Variants in GK5 observed in about 807,000 individuals in gnomAD.
The protein encoded by GK5 is ATP:glycerol 3-phosphotransferase 5.
In GK5, 39 loss-of-function variants were observed where a neutral mutation model predicts 77.3. The observed-to-expected ratio is 0.50, with a 90% CI of 0.39 to 0.66. The LOEUF (loss-of-function observed/expected upper bound fraction) is 0.66. GK5 is among the 30% of genes least tolerant of loss of function. The pLI is 0.00. For missense variants in GK5, 487 were observed against 633.8 expected, an observed-to-expected ratio of 0.77 and a Z score of 2.49; for synonymous variants, 211 against 208.0, an observed-to-expected ratio of 1.01 and a Z score of -0.13.
intron 3 of GK5, among the ~76,000 whole-genome samples, chr3:142,209,347 A>T (rs1211685659): frequency 6.6e-6 from 1 of 152,180 alleles, no homozygotes; most frequent in Non-Finnish European, 1.5e-5. Context: ...GTCTTAGAGG[A>T]ACTGAATGGC....
rs1337154916 is a variant in GK5, at chr3:142,164,555, G to A, written c.*1067C>T. 1.3e-5 allele frequency: 2 copies of A among 152,186 alleles called. No individual in the cohort carries two copies. Among genetic ancestry groups the A allele is most frequent in the Admixed American group, 1.3e-4 (2 of 15,254 alleles). 9.4% of individuals were successfully genotyped at this position (152,186 alleles called of 1,614,324 possible). On this transcript the variant is annotated 3_prime_UTR_variant, in exon 16 of 16. Coordinates refer to ENST00000392993, the MANE Select transcript of GK5 (RefSeq NM_001039547.3). ...GTGGATCTCTGGCTGAGTGGCTAAAGGGCAATCCTGAGCATAGACACACTC... is the reference window on the plus strand; with the variant it reads ...GTGGATCTCTGGCTGAGTGGCTAAAAGGCAATCCTGAGCATAGACACACTC...
intron 5 of GK5, among the ~76,000 whole-genome samples, chr3:142,192,635 G>A (rs946132182): frequency 1.3e-5 from 2 of 151,980 alleles, no homozygotes; most frequent in Non-Finnish European, 2.9e-5. Flanking sequence ...ATGGTGGCAG[G>A]CACCTGTAAT....
chr3:142,206,546 A>G (rs1170358090), intron 3 of GK5, among the ~76,000 whole-genome samples: 1 of 152,156 alleles, frequency 6.6e-6, no homozygotes, highest in Non-Finnish European at 1.5e-5. Context: ...GTGCTTATTG[A>G]CCATCTGTGT....
intron 11 of GK5, among the ~76,000 whole-genome samples, chr3:142,180,307 CTT>C (rs887517347): frequency 7.0e-6 from 1 of 143,868 alleles, no homozygotes. Context: ...TTTCTTTTTT[CTT>C]TTTTTTTTTT....
chr3:142,201,558 G>A (rs370199235), intron 4 of GK5, among the ~76,000 whole-genome samples: 1 of 152,112 alleles, frequency 6.6e-6, no homozygotes, highest in African/African-American at 2.4e-5. Flanking sequence ...TTGTAGTGAC[G>A]GAACTGTTCA....
Position 142,181,573 on chromosome 3 carries a change from A to C in GK5, c.944-8T>G. The C allele has an allele frequency of 6.3e-7, 1 of 1,576,656 alleles. No individual in the cohort carries two copies. Among genetic ancestry groups the C allele is most frequent in the Non-Finnish European group, 8.7e-7 (1 of 1,148,520 alleles). ...CAATTAATGGATAAAAGCCTTGCAA[A>C]ACAAACAACGAATGTTAAGTCAAAT... On this transcript the variant is annotated splice_polypyrimidine_tract_variant and splice_region_variant and intron_variant, in intron 10 of 15. Transcript: ENST00000392993.
In GK5 at chr3:142,214,368, AC is replaced by A. The variant is rs1382642138; in HGVS notation, c.242-768del. ...AACACAAACTGATGCCAGGATGCAA[AC>A]AAAAATATTGACTTTTTGGTCCAAA... is the stretch of plus-strand genomic sequence containing the variant. On this transcript the variant is annotated intron_variant, in intron 2 of 15. Transcript: ENST00000392993. 5.9e-5 allele frequency among the ~76,000 whole-genome samples: 9 copies of A among 152,234 alleles called. No homozygotes were observed. In the East Asian group the frequency reaches 1.7e-3, roughly 29 times the overall value.
chr3:142,185,762 CA>C (rs749305850), intron 9 of GK5, 166 bp downstream of exon 9: 32 of 1,556,816 alleles, frequency 2.1e-5, no homozygotes, highest in Non-Finnish European at 2.3e-5. Context: ...AAAAATATAG[CA>C]GATATTCTGG....
chr3:142,187,468 G>A (rs1214236259), intron 6 of GK5, among the ~76,000 whole-genome samples: 4 of 152,026 alleles, frequency 2.6e-5, no homozygotes, highest in Non-Finnish European at 4.4e-5. Flanking sequence ...AGCCAGACAT[G>A]GTGGCACATA....
intron 15 of GK5, among the ~76,000 whole-genome samples, chr3:142,168,011 CAAACAAA>C (rs1224766775): frequency 6.6e-6 from 1 of 151,544 alleles, no homozygotes; most frequent in African/African-American, 2.4e-5. Context: ...GACTCCATCT[CAAACAAA>C]ACAAAACAAA....
Position 142,225,322 on chromosome 3 carries a change from G to C in GK5, c.134C>G (p.Ser45Cys). The C allele has an allele frequency of 2.6e-6, 4 of 1,545,812 alleles. No individual in the cohort carries two copies. Among genetic ancestry groups the C allele is most frequent in the Non-Finnish European group, 3.5e-6 (4 of 1,146,476 alleles). The part of the protein sequence containing the change: ...VYDRAARVCG[S>C]SVQKVENLYP... ...CCCCCAAGTCACCTTCTGCACGCTG[G>C]AGCCGCAGACCCGCGCCGCCCGGTC... is the stretch of plus-strand genomic sequence containing the variant. Residue 45 changes from serine (S) to cysteine (C), a missense_variant, in exon 1 of 16, where the codon TCC becomes TGC. By Grantham distance (112) the Ser-to-Cys change is moderately radical. This residue lies in a region of GK5 where 97 missense variants were observed against 86.9 expected (regional missense o/e 1.12). Coordinates refer to ENST00000392993, the MANE Select transcript of GK5 (RefSeq NM_001039547.3).
chr3:142,178,231 T>A (rs1375663429), intron 11 of GK5, among the ~76,000 whole-genome samples: 3 of 152,168 alleles, frequency 2.0e-5, no homozygotes, highest in Non-Finnish European at 2.9e-5. Flanking sequence ...TAAAAAATTA[T>A]CCTCTGAAAG....
At chr3:142,177,848 GT>G (rs1262581032) in intron 11 of GK5, among the ~76,000 whole-genome samples, 5 of 145,858 alleles carry the variant, frequency 3.4e-5, no homozygotes, top group South Asian at 2.2e-4. Context: ...CAGGACTTAC[GT>G]TTTTTTTCTT....
At chr3:142,193,961 G>A (rs947104122) in intron 5 of GK5, among the ~76,000 whole-genome samples, 6 of 152,144 alleles carry the variant, frequency 3.9e-5, no homozygotes, top group South Asian at 2.1e-4. Flanking sequence ...GGCTGGTCTC[G>A]AAATCCTGAT....
At chr3:142,184,930 C>A in intron 9 of GK5, 2 of 985,426 alleles carry the variant, frequency 2.0e-6, no homozygotes, top group Non-Finnish European at 2.4e-6. Flanking sequence ...TCTAACCCTG[C>A]ACCTATGCCT....
At chr3:142,177,022 T>C (rs1375275331) in intron 12 of GK5, among the ~76,000 whole-genome samples, 1 of 152,212 alleles carries the variant, frequency 6.6e-6, no homozygotes, top group African/African-American at 2.4e-5. Flanking sequence ...AATATACACA[T>C]ACATATACAT....
chr3:142,216,467 G>A (rs987630164), intron 1 of GK5, among the ~76,000 whole-genome samples: 1 of 151,998 alleles, frequency 6.6e-6, no homozygotes, highest in African/African-American at 2.4e-5. Flanking sequence ...CTAAAATCCT[G>A]AGGAAGGTAA....
rs761405739 is a variant in GK5, at chr3:142,186,183, TTTA to T, written c.755+8_755+10del. The stretch of plus-strand genomic sequence containing the variant: ...ATTGTGCTGGTTACTATGTCTGATG[TTTA>T]TTATTACCTTGTGTCCCTCACAGGA... On this transcript the variant is annotated splice_region_variant and intron_variant, in intron 8 of 15. Transcript: ENST00000392993. 10 of 1,520,594 alleles carry T rather than the reference TTTA, an allele frequency of 6.6e-6. No homozygotes were observed. In the South Asian group the frequency reaches 9.1e-5, roughly 14 times the overall value. 94.2% of individuals were successfully genotyped at this position (1,520,594 alleles called of 1,614,324 possible).
intron 14 of GK5, 51 bp from the exon 15 acceptor site, chr3:142,170,509 C>A (rs775085869): frequency 2.0e-6 from 3 of 1,467,232 alleles, no homozygotes; most frequent in African/African-American, 2.8e-5. Flanking sequence ...AAGTATCATT[C>A]TTTTTCAGTG....
Sources: allele counts gnomAD v4.1 joint callset (sites outside exome capture counted in the v4.1 genomes callset), GRCh38; gene constraint gnomAD v4.1.1; regional missense constraint gnomAD v4.1.1; transcripts MANE v1.5; gene names NCBI Gene and HGNC (gene_info 2026-07-23, HGNC 2026-07-21).